The following LY75 variants were observed in gnomAD, a reference collection of about 807,000 sequenced individuals.
LY75 encodes lymphocyte antigen 75, also known as C-type lectin domain family 13 member B.
Under a neutral mutation model 231.7 loss-of-function variants are expected in LY75, and 185 were observed. The observed-to-expected ratio is 0.80, with a 90% CI of 0.71 to 0.90. The LOEUF (loss-of-function observed/expected upper bound fraction) is 0.90. LY75 is among the 40% of genes least tolerant of loss of function. The pLI is 0.00. For synonymous variants in LY75, 668 were observed against 689.0 expected (o/e 0.97, Z 0.48); for missense variants, 1,947 against 2,050.2 (o/e 0.95, Z 0.97).
intron 30 of LY75, among the ~76,000 whole-genome samples, 194 bp downstream of exon 30, chr2:159,816,612 A>G (rs2729715): frequency 0.077 from 11,789 of 152,202 alleles, 741 homozygotes; most frequent in East Asian, 0.23. Context: ...TGGCCTGATC[A>G]TTTGTCCTAG....
At chr2:159,883,963 T>G (rs1331600510) in intron 6 of LY75, among the ~76,000 whole-genome samples, 19 of 152,230 alleles carry the variant, frequency 1.2e-4, no homozygotes, top group Admixed American at 9.8e-4. Context: ...ATGGTTTGGC[T>G]GTGTCCTCAC....
chr2:159,882,685 G>C (rs1685471322), intron 6 of LY75, among the ~76,000 whole-genome samples: 1 of 152,158 alleles, frequency 6.6e-6, no homozygotes, highest in Non-Finnish European at 1.5e-5. Flanking sequence ...AATTTGTTAG[G>C]TTTCCCTCCA....
At chr2:159,872,375 G>C in intron 13 of LY75, 76 bp downstream of exon 13, 1 of 1,539,722 alleles carries the variant, frequency 6.5e-7, no homozygotes, top group Non-Finnish European at 8.8e-7. Context: ...CAGAGAGTGA[G>C]GGTAAGAACA....
At chr2:159,830,489 A>T (rs953991439) in intron 28 of LY75, among the ~76,000 whole-genome samples, 3 of 152,156 alleles carry the variant, frequency 2.0e-5, no homozygotes, top group Non-Finnish European at 2.9e-5. Flanking sequence ...AGACTGTTTT[A>T]AAAAATTTTG....
chr2:159,826,003 T>C (rs965807405), intron 28 of LY75, among the ~76,000 whole-genome samples: 17 of 152,208 alleles, frequency 1.1e-4, no homozygotes, highest in African/African-American at 3.6e-4. Context: ...AGTATCATAC[T>C]GAATGGGCAA....
Position 159,854,889 on chromosome 2 carries a change from G to A in LY75, c.2419+15C>T, listed in dbSNP as rs1684505023. Reference sequence around the variant, plus strand: ...TAAAAGCAGCTTTGGTTAAATTTCAGTTTTCTTAACTCACCTGGATTGTAC... The same window carrying A: ...TAAAAGCAGCTTTGGTTAAATTTCAATTTTCTTAACTCACCTGGATTGTAC... On this transcript the variant is annotated intron_variant, in intron 17 of 34. Transcript: ENST00000263636. The A allele has an allele frequency of 1.2e-6, 2 of 1,613,326 alleles. No homozygotes were observed. The highest frequency in any genetic ancestry group is 1.3e-5 in the African/African-American group (1 of 74,904).
chr2:159,837,428 G>A (rs1002870052), intron 25 of LY75, among the ~76,000 whole-genome samples: 1 of 152,190 alleles, frequency 6.6e-6, no homozygotes, highest in African/African-American at 2.4e-5. Flanking sequence ...TTATATAAGT[G>A]GGAGCTAAAT....
intron 32 of LY75, 40 bp downstream of exon 32, chr2:159,810,486 A>G: frequency 6.3e-7 from 1 of 1,587,390 alleles, no homozygotes. Context: ...CATTTCTAAA[A>G]ATTATTGAGT....
intron 28 of LY75, among the ~76,000 whole-genome samples, chr2:159,830,336 T>C (rs1683612401): frequency 6.6e-6 from 1 of 152,160 alleles, no homozygotes; most frequent in Non-Finnish European, 1.5e-5. Context: ...AAACCCTCTT[T>C]AGAGTAAATG....
intron 2 of LY75, among the ~76,000 whole-genome samples, chr2:159,896,340 G>A (rs972383833): frequency 1.3e-5 from 2 of 152,194 alleles, no homozygotes; most frequent in African/African-American, 2.4e-5. Flanking sequence ...ACTCACACAG[G>A]ATAGGAGTTG....
intron 2 of LY75, 100 bp from the exon 3 acceptor site, chr2:159,894,184 G>A (rs903570252): frequency 7.3e-7 from 1 of 1,378,194 alleles, no homozygotes; most frequent in African/African-American, 1.5e-5. Context: ...ACGTTGTTTA[G>A]AATACAATAT....
chr2:159,857,516 C>T (rs901932645), intron 16 of LY75, among the ~76,000 whole-genome samples: 2 of 152,056 alleles, frequency 1.3e-5, no homozygotes, highest in East Asian at 3.9e-4. Context: ...CTGAGGCGGG[C>T]CAATCACCTG....
chr2:159,860,608 G>A (rs569692007), intron 15 of LY75, among the ~76,000 whole-genome samples: 8 of 152,128 alleles, frequency 5.3e-5, no homozygotes, highest in Admixed American at 2.0e-4. Context: ...ATATTACTGC[G>A]TGGTAATGAG....
Position 159,831,766 on chromosome 2 carries a change from T to A in LY75, c.3862A>T (p.Ser1288Cys), listed in dbSNP as rs773528515. The change falls in exon 28 of 35, where the codon AGT becomes TGT. Residue 1288 changes from serine to cysteine, a missense_variant. Ser to Cys is a moderately radical substitution (Grantham distance 112). Coordinates refer to ENST00000263636, the MANE Select transcript of LY75 (RefSeq NM_002349.4). ...QKLNPKSHIL[S>C]IRDEKENNFV... is the part of the protein sequence containing the mutation. ...TTATTCTCCTTTTCATCTCGAATAC[T>A]CAGAATATGTGATTTTGGATCTGTT... The A allele has an allele frequency of 2.5e-6, 4 of 1,610,476 alleles. No homozygotes were observed. The highest frequency in any genetic ancestry group is 8.5e-7 in the Non-Finnish European group (1 of 1,178,752).
intron 23 of LY75, among the ~76,000 whole-genome samples, chr2:159,845,304 A>G (rs1684167478): frequency 6.6e-6 from 1 of 152,202 alleles, no homozygotes; most frequent in African/African-American, 2.4e-5. Context: ...TCCTGGAAAA[A>G]TGGACAAGAA....
At chr2:159,863,861 A>T (rs905430460) in intron 14 of LY75, among the ~76,000 whole-genome samples, 2 of 152,166 alleles carry the variant, frequency 1.3e-5, no homozygotes, top group African/African-American at 4.8e-5. Context: ...TCCCTTGAAG[A>T]TGTGTTCCCA....
In LY75 at chr2:159,810,554, T is replaced by C. The variant is rs1295777741; in HGVS notation, c.4671A>G (p.Ser1557=). Residue 1557 remains serine (S), a synonymous_variant, in exon 32 of 35, where the codon TCA becomes TCG. Coordinates refer to ENST00000263636, the MANE Select transcript of LY75 (RefSeq NM_002349.4). Reference sequence around the variant, plus strand: ...GTTTTGAACACAATTTTTTGGCCTCTGAAAAACTGTGCAATGCCTGATCAG... The same window carrying C: ...GTTTTGAACACAATTTTTTGGCCTCCGAAAAACTGTGCAATGCCTGATCAG... The part of the protein sequence containing the change: ...YKSDQALHSF[S]EAKKLCSKHD... The C allele has an allele frequency of 3.7e-6, 6 of 1,613,600 alleles. No individual in the cohort carries two copies. The highest frequency in any genetic ancestry group is 5.1e-6 in the Non-Finnish European group (6 of 1,179,878).
At chr2:159,899,916 C>A (rs1027763934) in intron 1 of LY75, among the ~76,000 whole-genome samples, 1 of 152,204 alleles carries the variant, frequency 6.6e-6, no homozygotes, top group Non-Finnish European at 1.5e-5. Context: ...CTGCAACTAT[C>A]CAGCCATACA....
At chr2:159,831,195 T>C (rs527814468) in intron 28 of LY75, among the ~76,000 whole-genome samples, 2 of 152,308 alleles carry the variant, frequency 1.3e-5, no homozygotes, top group African/African-American at 4.8e-5. Context: ...TCCCCCTTGC[T>C]GTTCTCGTGA....
Sources: allele counts gnomAD v4.1 joint callset (sites outside exome capture counted in the v4.1 genomes callset), GRCh38; gene constraint gnomAD v4.1.1; transcripts MANE v1.5; gene names NCBI Gene and HGNC (gene_info 2026-07-23, HGNC 2026-07-21).